Variants in DZIP1 observed in about 807,000 individuals in gnomAD.
DZIP1 encodes the protein cilium assembly protein DZIP1.
A neutral mutation model predicts 107.6 loss-of-function variants in DZIP1; 97 were observed. The observed-to-expected ratio is 0.90, with a 90% confidence interval of 0.77 to 1.07. The LOEUF is 1.07. Ranked by LOEUF, DZIP1 falls within the 50% of genes least tolerant of loss-of-function variation. The pLI is 0.00. For synonymous variants in DZIP1, 390 were observed against 386.4 expected, an observed-to-expected ratio of 1.01 and a Z score of -0.11; for missense variants, 1,035 against 1,063.6, an observed-to-expected ratio of 0.97 and a Z score of 0.37.
intron 22 of DZIP1, among the ~76,000 whole-genome samples, chr13:95,584,299 TACAA>T (rs1159993952): frequency 1.4e-5 from 2 of 142,910 alleles, no homozygotes; most frequent in Non-Finnish European, 3.0e-5. Context: ...AATAAAAGAA[TACAA>T]ACAATTTGGG....
chr13:95,602,579 C>T (rs1203300123), intron 14 of DZIP1, among the ~76,000 whole-genome samples: 2 of 152,214 alleles, frequency 1.3e-5, no homozygotes, highest in Non-Finnish European at 2.9e-5. Context: ...GCAAGAGTGG[C>T]GGAACACCGC....
chr13:95,589,329 A>G (rs1300203316), intron 18 of DZIP1, 122 bp from the exon 19 acceptor site: 1 of 724,164 alleles, frequency 1.4e-6, no homozygotes, highest in African/African-American at 1.8e-5. Flanking sequence ...AGCAGCAACA[A>G]AAGTCACCCA....
intron 22 of DZIP1, among the ~76,000 whole-genome samples, chr13:95,583,958 T>TA (rs200766303): frequency 0.01 from 1,549 of 151,402 alleles, 28 homozygotes; most frequent in African/African-American, 0.035. Flanking sequence ...CCCCATATCC[T>TA]AAAAAAAATA....
In DZIP1 at chr13:95,641,928, G is replaced by A; in HGVS notation, c.36+66C>T. ...GGGCAGGCTGGGGAGCTGGGGGTCC[G>A]GGGAAGCCCCGGTTCTCCCCAGCCC... On this transcript the variant is annotated intron_variant, in intron 4 of 22. Transcript: ENST00000376829. The surrounding 1 kb of genome is among the most constrained non-coding windows in gnomAD (Gnocchi z 4.3). 6.7e-7 allele frequency: 1 copy of A among 1,490,844 alleles called. No homozygotes were observed. Among genetic ancestry groups the A allele is most frequent in the Non-Finnish European group, 8.9e-7 (1 of 1,128,502 alleles). The allele number at this position is 1,490,844 out of a possible 1,614,324, so 92.4% of individuals were successfully genotyped here.
In DZIP1 at chr13:95,642,129, G is replaced by T; in HGVS notation, c.-100C>A. The T allele has an allele frequency of 7.2e-7, 1 of 1,382,482 alleles. No homozygotes were observed. Among genetic ancestry groups the T allele is most frequent in the Non-Finnish European group, 9.4e-7 (1 of 1,062,286 alleles). 85.6% of individuals were successfully genotyped at this position (1,382,482 alleles called of 1,614,324 possible). ...AGAAGGCCGGGTTCCTCGCTTCCGC[G>T]GCGGCGGCGGCCTAAGGTCTGGGCG... On this transcript the variant is annotated 5_prime_UTR_variant, in exon 4 of 23. Transcript: ENST00000376829.
At chr13:95,605,301 C>T (rs1400262326) in intron 14 of DZIP1, among the ~76,000 whole-genome samples, 5 of 152,178 alleles carry the variant, frequency 3.3e-5, no homozygotes, top group Non-Finnish European at 7.4e-5. Context: ...AAAGATGGCC[C>T]TTCTCCCGTC....
At chr13:95,631,497 G>T (rs1364968887) in intron 6 of DZIP1, among the ~76,000 whole-genome samples, 2 of 151,720 alleles carry the variant, frequency 1.3e-5, no homozygotes, top group African/African-American at 2.4e-5. Flanking sequence ...ATAAAAATAA[G>T]AATTTCTGTG....
chr13:95,623,803 G>A (rs1298288814), intron 8 of DZIP1, among the ~76,000 whole-genome samples: 2 of 152,132 alleles, frequency 1.3e-5, no homozygotes, highest in Admixed American at 6.5e-5. Flanking sequence ...GCTGGGTGTG[G>A]TGGCATGTGC....
intron 5 of DZIP1, among the ~76,000 whole-genome samples, chr13:95,640,230 C>T (rs1412526961): frequency 6.6e-6 from 1 of 152,002 alleles, no homozygotes; most frequent in African/African-American, 2.4e-5. Flanking sequence ...AATCTCCTGA[C>T]CTCGTGATCC....
chr13:95,639,086 T>C (rs151262057), intron 5 of DZIP1, among the ~76,000 whole-genome samples: 1 of 152,314 alleles, frequency 6.6e-6, no homozygotes, highest in Non-Finnish European at 1.5e-5. Context: ...AGCACTGCTC[T>C]AAGCACAGTC....
chr13:95,641,811 C>A lies in DZIP1; in HGVS notation c.81G>T (p.Glu27Asp). ...HVYYPLASGP[E>D]GPDVAVAAAA... is the part of the protein sequence containing the mutation. ...CGGCGGCCACAGCGACGTCGGGCCCCTCTGGGCCGCTGGCGAGCGGGTAGT... is the reference window on the plus strand; with the variant it reads ...CGGCGGCCACAGCGACGTCGGGCCCATCTGGGCCGCTGGCGAGCGGGTAGT... Residue 27 changes from glutamate to aspartate, a missense_variant, in exon 5 of 23, where the codon GAG (glutamate) becomes GAT (aspartate). Coordinates refer to ENST00000376829, the MANE Select transcript of DZIP1 (RefSeq NM_198968.4). The surrounding 1 kb of genome is among the most constrained non-coding windows in gnomAD (Gnocchi z 4.3). 1 of 1,479,724 alleles carries A rather than the reference C, an allele frequency of 6.8e-7. No individual in the cohort carries two copies. The highest frequency in any genetic ancestry group is 8.9e-7 in the Non-Finnish European group (1 of 1,124,564). 91.7% of individuals were successfully genotyped at this position (1,479,724 alleles called of 1,614,324 possible). A position where few individuals can be genotyped will look rare whatever the true frequency, so the allele number is the denominator to read the frequency against.
chr13:95,582,315 T>C lies in DZIP1; in HGVS notation c.2525-2A>G. The C allele has an allele frequency of 2.5e-6, 4 of 1,614,092 alleles. No homozygotes were observed. The highest frequency in any genetic ancestry group is 2.5e-6 in the Non-Finnish European group (3 of 1,179,932). ...TGCTTGATTCATTTTCTTGAAGTCCTGTAAGTGGTGGGTAGAGGCAGAAGA... is the reference window on the plus strand; with the variant it reads ...TGCTTGATTCATTTTCTTGAAGTCCCGTAAGTGGTGGGTAGAGGCAGAAGA... On this transcript the variant is annotated splice_acceptor_variant, in intron 22 of 22. Transcript: ENST00000376829. LOFTEE classifies it high-confidence loss of function.
intron 6 of DZIP1, among the ~76,000 whole-genome samples, chr13:95,632,464 TG>T (rs1336274913): frequency 6.6e-6 from 1 of 152,110 alleles, no homozygotes; most frequent in African/African-American, 2.4e-5. Flanking sequence ...CCCACCTGCC[TG>T]GGGACAAAGC....
rs1566423190 is a variant in DZIP1, at chr13:95,630,027, C to G, written c.772G>C (p.Glu258Gln). 2 of 1,613,748 alleles carry G rather than the reference C, an allele frequency of 1.2e-6. No individual in the cohort carries two copies. The highest frequency in any genetic ancestry group is 1.7e-6 in the Non-Finnish European group (2 of 1,179,886). The change falls in exon 7 of 23, where the codon GAG (glutamate) becomes CAG (glutamine). Residue 258 changes from glutamate (E) to glutamine (Q), a missense_variant. By Grantham distance (29) the Glu-to-Gln change is conservative (BLOSUM62 2). Coordinates refer to ENST00000376829, the MANE Select transcript of DZIP1 (RefSeq NM_198968.4). ...ACTGCACTGGCATGGTGTGCAGCCT[C>G]TAGCTCAGACCTGGTGAGCTGCAGC... ...EELQLTRSEL[E>Q]AAHHASAVRF... is the part of the protein sequence containing the mutation.
Position 95,581,594 on chromosome 13 carries a change from T to C in DZIP1, c.*640A>G, listed in dbSNP as rs1270538860. 1 of 152,232 alleles carries C rather than the reference T, an allele frequency of 6.6e-6. No homozygotes were observed. The highest frequency in any genetic ancestry group is 1.5e-5 in the Non-Finnish European group (1 of 68,058). The allele number at this position is 152,232 out of a possible 1,614,324, so 9.4% of individuals were successfully genotyped here. ...ATATTCTAATCCTAAACTTACTTTT[T>C]TGGGGTGTGGAGGGGTGGAGTCTTG... On this transcript the variant is annotated 3_prime_UTR_variant, in exon 23 of 23. Coordinates refer to ENST00000376829, the MANE Select transcript of DZIP1 (RefSeq NM_198968.4).
intron 20 of DZIP1, among the ~76,000 whole-genome samples, chr13:95,587,335 T>C (rs1272611769): frequency 1.3e-5 from 2 of 152,154 alleles, no homozygotes; most frequent in East Asian, 3.9e-4. Flanking sequence ...AGCAAACTAA[T>C]ACACCAGGTA....
intron 7 of DZIP1, among the ~76,000 whole-genome samples, chr13:95,629,713 G>T (rs1290941978): frequency 6.6e-6 from 1 of 152,216 alleles, no homozygotes; most frequent in East Asian, 1.9e-4. Context: ...AGAATGAGAA[G>T]TGTCAGACTT....
chr13:95,602,973 T>C (rs2044662232), intron 14 of DZIP1, among the ~76,000 whole-genome samples: 1 of 152,214 alleles, frequency 6.6e-6, no homozygotes, highest in South Asian at 2.1e-4. Flanking sequence ...TATTTCAAGA[T>C]GTAGAATACT....
chr13:95,622,604 C>T (rs186898477), intron 8 of DZIP1, 124 bp from the exon 9 acceptor site: 669 of 1,016,192 alleles, frequency 6.6e-4, no homozygotes, highest in Admixed American at 1.1e-3. Flanking sequence ...CTCCTGGACG[C>T]TCTTGGACGC....
Sources: gnomAD v4.1 joint callset for allele counts (sites outside exome capture counted in the v4.1 genomes callset) on GRCh38, gnomAD v4.1.1 for gene constraint, Gnocchi (gnomAD v3.1) non-coding constraint, MANE v1.5 for transcripts, NCBI Gene and HGNC (gene_info 2026-07-23, HGNC 2026-07-21) for gene names.